ARL15: variants seen among roughly 807,000 people sequenced by gnomAD.
ARL15 encodes ARF like GTPase 15, also known as ADP-ribosylation factor-like protein 15.
ARL15 carries 19 observed loss-of-function variants against 25.2 expected under a neutral mutation model. The observed-to-expected ratio is 0.75, with a 90% confidence interval of 0.53 to 1.10. The LOEUF (loss-of-function observed/expected upper bound fraction) is 1.10, where lower values mean the gene tolerates loss of function less well. ARL15 is among the 50% of genes least tolerant of loss of function. The pLI is 0.00. For missense variants in ARL15, 220 were observed against 246.0 expected, an observed-to-expected ratio of 0.89 and a Z score of 0.71; for synonymous variants, 94 against 86.8, an observed-to-expected ratio of 1.08 and a Z score of -0.46.
At chr5:54,096,630 C>T (rs1752295676) in intron 4 of ARL15, among the ~76,000 whole-genome samples, 1 of 152,098 alleles carries the variant, frequency 6.6e-6, no homozygotes. Flanking sequence ...AGGTTGGTCT[C>T]AAACTCCTGA....
At chr5:54,235,600 T>C (rs2112564123) in intron 1 of ARL15, among the ~76,000 whole-genome samples, 1 of 152,128 alleles carries the variant, frequency 6.6e-6, no homozygotes, top group African/African-American at 2.4e-5. Context: ...GCCTCCCAAG[T>C]AGCTGGGAAT....
intron 2 of ARL15, among the ~76,000 whole-genome samples, chr5:54,169,912 TC>T (rs1432895841): frequency 6.6e-6 from 1 of 152,034 alleles, no homozygotes; most frequent in Non-Finnish European, 1.5e-5. Context: ...CCTTATCCTT[TC>T]CCTCATCCTA....
chr5:54,209,875 GAAGT>G (rs1755987094), intron 1 of ARL15, among the ~76,000 whole-genome samples: 1 of 151,918 alleles, frequency 6.6e-6, no homozygotes, highest in African/African-American at 2.4e-5. Flanking sequence ...CTCCCTCAAA[GAAGT>G]AAGAAAGCTA....
intron 4 of ARL15, among the ~76,000 whole-genome samples, chr5:54,103,132 C>T (rs1187773839): frequency 1.3e-5 from 2 of 152,112 alleles, no homozygotes; most frequent in Non-Finnish European, 2.9e-5. Flanking sequence ...CTTGACTCTT[C>T]TCCTTTGTAA....
chr5:54,157,798 T>C (rs935881806), intron 2 of ARL15, among the ~76,000 whole-genome samples: 6 of 152,238 alleles, frequency 3.9e-5, no homozygotes, highest in Non-Finnish European at 7.3e-5. Context: ...TGGTTAGATT[T>C]ATACTGCAAA....
At chr5:54,130,913 T>C (rs1375451136) in intron 3 of ARL15, among the ~76,000 whole-genome samples, 2 of 152,120 alleles carry the variant, frequency 1.3e-5, no homozygotes, top group Non-Finnish European at 2.9e-5. Context: ...TATGTATGTG[T>C]GGAGGGGAGA....
intron 1 of ARL15, among the ~76,000 whole-genome samples, chr5:54,289,457 C>T (rs1453655433): frequency 6.6e-6 from 1 of 152,034 alleles, no homozygotes; most frequent in Non-Finnish European, 1.5e-5. Flanking sequence ...ATATTATAGA[C>T]AATAAAAGAG....
At chr5:53,919,796 C>T (rs1466365259) in intron 4 of ARL15, among the ~76,000 whole-genome samples, 1 of 152,166 alleles carries the variant, frequency 6.6e-6, no homozygotes, top group Non-Finnish European at 1.5e-5. Flanking sequence ...CTCATAGCAA[C>T]CAGTGACATT....
chr5:54,163,787 T>G (rs1754491372), intron 2 of ARL15, among the ~76,000 whole-genome samples: 1 of 152,026 alleles, frequency 6.6e-6, no homozygotes, highest in African/African-American at 2.4e-5. Flanking sequence ...ATTTGTGTCT[T>G]TTTTATTTTT....
intron 1 of ARL15, among the ~76,000 whole-genome samples, chr5:54,253,515 T>G (rs984062897): frequency 1.2e-4 from 19 of 152,300 alleles, no homozygotes; most frequent in African/African-American, 4.6e-4. Context: ...GTGGGTTCCC[T>G]GCCAAGCCTC....
At chr5:54,217,155 A>C (rs1756231138) in intron 1 of ARL15, among the ~76,000 whole-genome samples, 1 of 152,004 alleles carries the variant, frequency 6.6e-6, no homozygotes, top group African/African-American at 2.4e-5. Flanking sequence ...GTAAAACAAA[A>C]TATATTTATC....
intron 1 of ARL15, among the ~76,000 whole-genome samples, chr5:54,308,614 T>C (rs559855944): frequency 2.6e-5 from 4 of 152,302 alleles, no homozygotes; most frequent in South Asian, 2.1e-4. Context: ...TGTTAGTAAA[T>C]TGGCAAATAA....
At chr5:54,152,890 A>C (rs1019986368) in intron 3 of ARL15, among the ~76,000 whole-genome samples, 17 of 152,198 alleles carry the variant, frequency 1.1e-4, no homozygotes, top group African/African-American at 4.1e-4. Context: ...CTTTCATTGT[A>C]CTGAATTTTG....
intron 1 of ARL15, among the ~76,000 whole-genome samples, chr5:54,228,567 A>G (rs1756587007): frequency 8.3e-6 from 1 of 119,952 alleles, no homozygotes; most frequent in African/African-American, 3.2e-5. Flanking sequence ...CACCTCCCCC[A>G]TTACTGTTTC....
intron 4 of ARL15, among the ~76,000 whole-genome samples, chr5:53,985,155 T>G (rs1450663672): frequency 6.6e-6 from 1 of 152,036 alleles, no homozygotes. Flanking sequence ...TGCTCCCAAT[T>G]CTACATAATC....
chr5:54,093,596 A>G (rs911619369), intron 4 of ARL15, among the ~76,000 whole-genome samples: 2 of 152,084 alleles, frequency 1.3e-5, no homozygotes, highest in African/African-American at 2.4e-5. Context: ...CTTCCTGCAC[A>G]TAGTCTACCC....
chr5:54,178,882 G>A (rs979846063), intron 1 of ARL15, among the ~76,000 whole-genome samples: 1 of 152,148 alleles, frequency 6.6e-6, no homozygotes, highest in Non-Finnish European at 1.5e-5. Context: ...ATGTGTTACG[G>A]GATTTGTCAG....
chr5:53,965,597 G>A (rs376275050), intron 4 of ARL15, among the ~76,000 whole-genome samples: 1 of 151,916 alleles, frequency 6.6e-6, no homozygotes, highest in African/African-American at 2.4e-5. Context: ...GACTGTGTGT[G>A]CATTTTGGGA....
intron 1 of ARL15, among the ~76,000 whole-genome samples, chr5:54,247,097 C>A (rs1013471117): frequency 1.3e-5 from 2 of 151,862 alleles, no homozygotes; most frequent in African/African-American, 4.8e-5. Flanking sequence ...CCAAAAATTT[C>A]TTTTGTATCT....
Sources: allele counts gnomAD v4.1 joint callset (sites outside exome capture counted in the v4.1 genomes callset), GRCh38; gene constraint gnomAD v4.1.1; transcripts MANE v1.5; gene names NCBI Gene and HGNC (gene_info 2026-07-23, HGNC 2026-07-21).